MELTF: variants seen among roughly 807,000 people sequenced by gnomAD.
MELTF encodes melanotransferrin.
A neutral mutation model predicts 83.7 loss-of-function variants in MELTF; 67 were observed. The observed-to-expected ratio is 0.80, with a 90% CI of 0.66 to 0.98. MELTF has a LOEUF of 0.98. Ranked by LOEUF, MELTF falls within the 50% of genes least tolerant of loss-of-function variation. The probability of loss-of-function intolerance (pLI) is 0.00; values close to 1 mark genes in which losing one functional copy is unlikely to be tolerated. For missense variants in MELTF, 1,002 were observed against 1,035.6 expected (o/e 0.97, Z 0.44); for synonymous variants, 462 against 447.6 (o/e 1.03, Z -0.41).
In MELTF at chr3:197,006,562, A is replaced by G; in HGVS notation, c.1925T>C (p.Leu642Pro). 6.2e-7 allele frequency: 1 copy of G among 1,613,216 alleles called. No homozygotes were observed. The highest frequency in any genetic ancestry group is 8.5e-7 in the Non-Finnish European group (1 of 1,179,566). Residue 642 changes from leucine (L) to proline (P), a missense_variant, in exon 14 of 16, where the codon CTG (leucine) becomes CCG (proline). Coordinates refer to ENST00000296350, the MANE Select transcript of MELTF (RefSeq NM_005929.6). This position sits in a 1 kb window ranked among gnomAD's most constrained non-coding sequence, Gnocchi z 5.4. ...DTNIFTVYGL[L>P]DKAQDLFGDD... ...ACCCTGGCTCACCTGGGCCTTGTCC[A>G]GCAGTCCATACACGGTGAAGATGTT...
chr3:197,014,982 A>G (rs891724249), intron 9 of MELTF, among the ~76,000 whole-genome samples: 3 of 152,212 alleles, frequency 2.0e-5, no homozygotes, highest in African/African-American at 7.2e-5. Flanking sequence ...CCCACTCTCT[A>G]TTGCACAAGG....
chr3:197,012,149 C>T (rs1279071838), intron 9 of MELTF, among the ~76,000 whole-genome samples: 2 of 152,230 alleles, frequency 1.3e-5, no homozygotes, highest in Admixed American at 6.5e-5. Flanking sequence ...ACCCCCGCCT[C>T]GGGCCTGGGC....
In MELTF at chr3:197,024,571, A is replaced by G. The variant is rs376829780; in HGVS notation, c.305-86T>C. On this transcript the variant is annotated intron_variant, in intron 3 of 15. Coordinates refer to ENST00000296350, the MANE Select transcript of MELTF (RefSeq NM_005929.6). The surrounding 1 kb of genome is among the most constrained non-coding windows in gnomAD (Gnocchi z 5.3). ...GCACCCTGCCTGGGCGGGCTGTGGGAGAGGTGTGTGCACGGAGCACGGCTG... is the reference window on the plus strand; with the variant it reads ...GCACCCTGCCTGGGCGGGCTGTGGGGGAGGTGTGTGCACGGAGCACGGCTG... 7.8e-7 allele frequency: 1 copy of G among 1,276,566 alleles called. No individual in the cohort carries two copies. The highest frequency in any genetic ancestry group is 1.5e-5 in the African/African-American group (1 of 67,064). The allele number at this position is 1,276,566 out of a possible 1,614,324, so 79.1% of individuals were successfully genotyped here.
Position 197,003,913 on chromosome 3 carries a change from A to G in MELTF, c.2125T>C (p.Cys709Arg). The change falls in exon 15 of 16, where the codon TGC (cysteine) becomes CGC (arginine). Residue 709 changes from cysteine to arginine, a missense_variant. Transcript: ENST00000296350. The surrounding 1 kb of genome is among the most constrained non-coding windows in gnomAD (Gnocchi z 6.2). ...AALEGMSSQQ[C>R]SGAAAPAPGA... is the part of the protein sequence containing the mutation. ...GGGCCTGTCCTACCTGCGCCCGAGCACTGCTGAGACGACATCCCTTCCAGC... is the reference window on the plus strand; with the variant it reads ...GGGCCTGTCCTACCTGCGCCCGAGCGCTGCTGAGACGACATCCCTTCCAGC... 6.2e-7 allele frequency: 1 copy of G among 1,613,646 alleles called. No homozygotes were observed. Among genetic ancestry groups the G allele is most frequent in the Non-Finnish European group, 8.5e-7 (1 of 1,179,934 alleles).
intron 11 of MELTF, 82 bp from the exon 12 acceptor site, chr3:197,009,047 T>G: frequency 6.5e-7 from 1 of 1,533,306 alleles, no homozygotes; most frequent in South Asian, 1.2e-5. Context: ...CCCCCACAGG[T>G]CTGCCCACCC....
In MELTF at chr3:197,009,607, G is replaced by T. The variant is rs1276422337; in HGVS notation, c.1525+11C>A. 2.6e-6 allele frequency: 4 copies of T among 1,550,498 alleles called. No homozygotes were observed. The Admixed American group carries it at 5.2e-5, about 20-fold the overall frequency. ...CTTCCCCAGTCTGCGTTCCTAAAAA[G>T]GGGGGGGTACCTGTGAGGACGTCAC... On this transcript the variant is annotated intron_variant, in intron 11 of 15. Coordinates refer to ENST00000296350, the MANE Select transcript of MELTF (RefSeq NM_005929.6).
chr3:197,008,878 TC>T lies in MELTF; in HGVS notation c.1612del (p.Asp538ThrfsTer90). ...CACACACTTGTTGCGGCCCTGCTCG[TC>T]CCCCACGCACAGTGCACACAGCGAG... ...PSSLCALCVG[D>X]EQGRNKCVGN... On this transcript the variant is annotated frameshift_variant, in exon 12 of 16. Transcript: ENST00000296350. LOFTEE classifies it high-confidence loss of function. This position sits in a 1 kb window ranked among gnomAD's most constrained non-coding sequence, Gnocchi z 5.4. The T allele has an allele frequency of 6.2e-7, 1 of 1,614,064 alleles. No individual in the cohort carries two copies. Among genetic ancestry groups the T allele is most frequent in the Non-Finnish European group, 8.5e-7 (1 of 1,179,996 alleles).
intron 14 of MELTF, chr3:197,004,396 A>G (rs1269403314): frequency 4.4e-6 from 2 of 458,448 alleles, no homozygotes; most frequent in Admixed American, 7.1e-5. Flanking sequence ...AAAGACCCAG[A>G]AATGAGGGAT....
Position 197,009,746 on chromosome 3 carries a change from G to A in MELTF, c.1397C>T (p.Thr466Ile), listed in dbSNP as rs1173391184. The change falls in exon 11 of 16, where the codon ACC becomes ATC. Residue 466 changes from threonine (T) to isoleucine (I), a missense_variant. Coordinates refer to ENST00000296350, the MANE Select transcript of MELTF (RefSeq NM_005929.6). Reference sequence around the variant, plus strand: ...GCGCTTGCCCCGAAGCTCATCCAAGGTGAAGGCGTGGGAGCTGTCCCGTCT... The same window carrying A: ...GCGCTTGCCCCGAAGCTCATCCAAGATGAAGGCGTGGGAGCTGTCCCGTCT... Reference protein sequence around the residue: ...VVRRDSSHAFTLDELRGKRSC... With the variant: ...VVRRDSSHAFILDELRGKRSC... The A allele has an allele frequency of 7.4e-6, 12 of 1,613,482 alleles. No individual in the cohort carries two copies. Among genetic ancestry groups the A allele is most frequent in the Non-Finnish European group, 1.0e-5 (12 of 1,180,040 alleles).
At chr3:197,025,336 C>T (rs1719810009) in intron 3 of MELTF, among the ~76,000 whole-genome samples, 1 of 152,248 alleles carries the variant, frequency 6.6e-6, no homozygotes, top group Admixed American at 6.5e-5. Context: ...ACCTGAGTAG[C>T]TCCGTCTGGT....
intron 9 of MELTF, among the ~76,000 whole-genome samples, chr3:197,015,055 T>C (rs2148583674): frequency 6.6e-6 from 1 of 152,364 alleles, no homozygotes; most frequent in Non-Finnish European, 1.5e-5. Flanking sequence ...AGTGCCCAGC[T>C]GGGCCAGCGC....
intron 9 of MELTF, 78 bp downstream of exon 9, chr3:197,015,287 G>A (rs1381868978): frequency 1.4e-6 from 2 of 1,444,438 alleles, no homozygotes; most frequent in Non-Finnish European, 1.9e-6. Flanking sequence ...AGGCAGCAGG[G>A]GGTGTGGGTA....
At position 197,006,595 on chromosome 3, in the gene MELTF, G is replaced by A. The variant is rs771551645; in HGVS notation, c.1892C>T (p.Pro631Leu). The change falls in exon 14 of 16, where the codon CCC (proline) becomes CTC (leucine). Residue 631 changes from proline (P) to leucine (L), a missense_variant. By Grantham distance (98) the Pro-to-Leu change is moderately conservative (BLOSUM62 -3). Coordinates refer to ENST00000296350, the MANE Select transcript of MELTF (RefSeq NM_005929.6). This position sits in a 1 kb window ranked among gnomAD's most constrained non-coding sequence, Gnocchi z 5.4. ...ATACACGGTGAAGATGTTGGTGTCG[G>A]GCCGGACCATCACGGCGTGGGGTGG... ...QIPPHAVMVR[P>L]DTNIFTVYGL... is the part of the protein sequence containing the mutation. 3.1e-6 allele frequency: 5 copies of A among 1,613,598 alleles called. No individual in the cohort carries two copies. Among genetic ancestry groups the A allele is most frequent in the Non-Finnish European group, 3.4e-6 (4 of 1,179,770 alleles).
Position 197,003,849 on chromosome 3 carries a change from G to T in MELTF, c.2137+52C>A. Reference sequence around the variant, plus strand: ...CCCCCCGCTCCCTCAGGGTTCTGGGGTGAAGGGGTCTGAATAGCACCAGGG... The same window carrying T: ...CCCCCCGCTCCCTCAGGGTTCTGGGTTGAAGGGGTCTGAATAGCACCAGGG... On this transcript the variant is annotated intron_variant, in intron 15 of 15. Coordinates refer to ENST00000296350, the MANE Select transcript of MELTF (RefSeq NM_005929.6). This position sits in a 1 kb window ranked among gnomAD's most constrained non-coding sequence, Gnocchi z 6.2. The T allele has an allele frequency of 6.3e-7, 1 of 1,580,438 alleles. No homozygotes were observed. The highest frequency in any genetic ancestry group is 8.6e-7 in the Non-Finnish European group (1 of 1,158,538).
intron 6 of MELTF, among the ~76,000 whole-genome samples, chr3:197,018,146 C>A (rs1719473568): frequency 6.6e-6 from 1 of 152,124 alleles, no homozygotes; most frequent in Non-Finnish European, 1.5e-5. Flanking sequence ...CTTTTGACCT[C>A]ACCCCCCCTT....
intron 6 of MELTF, among the ~76,000 whole-genome samples, chr3:197,020,074 T>C (rs370072910): frequency 6.6e-6 from 1 of 152,194 alleles, no homozygotes; most frequent in East Asian, 1.9e-4. Context: ...CAAATTTTGC[T>C]GCATGTAAAT....
At chr3:197,016,090 C>G in intron 8 of MELTF, 99 bp downstream of exon 8, 2 of 1,114,108 alleles carry the variant, frequency 1.8e-6, no homozygotes, top group Non-Finnish European at 2.5e-6. Flanking sequence ...AGAGGCCTCC[C>G]TGGTGAGCGT....
At chr3:197,023,858 C>G (rs895467902) in intron 4 of MELTF, 1 of 458,242 alleles carries the variant, frequency 2.2e-6, no homozygotes, top group African/African-American at 2.0e-5. Context: ...GCTGGTTGGG[C>G]TGATGAGCCA....
chr3:197,017,217 C>T lies in MELTF; in HGVS notation c.786G>A (p.Arg262=). Residue 262 remains arginine (R), a synonymous_variant, in exon 7 of 16, where the codon CGG becomes CGA. Transcript: ENST00000296350. Reference sequence around the variant, plus strand: ...ACTGCCTCCACTCGGTGACATCGGCCCGGCTACCATCCCGGCACAGCAGCT... The same window carrying T: ...ACTGCCTCCACTCGGTGACATCGGCTCGGCTACCATCCCGGCACAGCAGCT... ...DFELLCRDGS[R]ADVTEWRQCH... 3 of 1,598,070 alleles carry T rather than the reference C, an allele frequency of 1.9e-6. No homozygotes were observed. Among genetic ancestry groups the T allele is most frequent in the Non-Finnish European group, 2.6e-6 (3 of 1,173,812 alleles).
Sources: gnomAD v4.1 joint callset for allele counts (sites outside exome capture counted in the v4.1 genomes callset) on GRCh38, gnomAD v4.1.1 for gene constraint, Gnocchi (gnomAD v3.1) non-coding constraint, MANE v1.5 for transcripts, NCBI Gene and HGNC (gene_info 2026-07-23, HGNC 2026-07-21) for gene names.